Variants in NCOA3 observed in about 807,000 individuals in gnomAD.
The protein encoded by NCOA3 is CBP-interacting protein.
Under a neutral mutation model 158.8 loss-of-function variants are expected in NCOA3, and 51 were observed. That is an observed-to-expected ratio of 0.32 (90% CI 0.26 to 0.41). The LOEUF (loss-of-function observed/expected upper bound fraction) is 0.41. Ranked by LOEUF, NCOA3 falls within the 10% of genes least tolerant of loss-of-function variation. The pLI, the probability that NCOA3 is intolerant of heterozygous loss-of-function variation, is 1.00. For synonymous variants in NCOA3, 537 were observed against 592.4 expected (o/e 0.91, Z 1.36); for missense variants, 1,510 against 1,746.6 (o/e 0.86, Z 2.41).
chr20:47,552,164 A>C (rs1160035097), intron 1 of NCOA3, among the ~76,000 whole-genome samples: 1 of 152,224 alleles, frequency 6.6e-6, no homozygotes, highest in East Asian at 1.9e-4. Flanking sequence ...TTATCATATC[A>C]CATTACTGAA....
intron 2 of NCOA3, among the ~76,000 whole-genome samples, chr20:47,587,592 A>T (rs1402126336): frequency 3.3e-5 from 5 of 152,208 alleles, no homozygotes; most frequent in Non-Finnish European, 5.9e-5. Context: ...AATTTCTTGT[A>T]TGCTTTAAGT....
chr20:47,577,843 G>A (rs1305467991), intron 1 of NCOA3, among the ~76,000 whole-genome samples: 4 of 152,186 alleles, frequency 2.6e-5, no homozygotes, highest in Admixed American at 1.3e-4. Context: ...GGCTGATTCC[G>A]TATAGAACTA....
intron 5 of NCOA3, among the ~76,000 whole-genome samples, chr20:47,625,728 CAT>C (rs1373434453): frequency 1.3e-5 from 2 of 151,988 alleles, no homozygotes; most frequent in Admixed American, 1.3e-4. Flanking sequence ...CATATACAAA[CAT>C]AAAAATATAA....
intron 1 of NCOA3, among the ~76,000 whole-genome samples, chr20:47,570,750 T>C (rs560489492): frequency 6.6e-6 from 1 of 152,118 alleles, no homozygotes; most frequent in Non-Finnish European, 1.5e-5. Context: ...GAAATCATTA[T>C]CTATGGCAGC....
intron 1 of NCOA3, among the ~76,000 whole-genome samples, chr20:47,515,674 G>A (rs1183818952): frequency 6.6e-6 from 1 of 151,650 alleles, no homozygotes; most frequent in African/African-American, 2.4e-5. Context: ...TAGTAGAGAC[G>A]GGATTTCACT....
At chr20:47,529,902 T>C (rs1421299426) in intron 1 of NCOA3, among the ~76,000 whole-genome samples, 1 of 152,236 alleles carries the variant, frequency 6.6e-6, no homozygotes, top group Non-Finnish European at 1.5e-5. Context: ...GTCTATTAAC[T>C]GCTTTGCAGG....
At chr20:47,529,925 T>C (rs573630940) in intron 1 of NCOA3, among the ~76,000 whole-genome samples, 11 of 152,360 alleles carry the variant, frequency 7.2e-5, no homozygotes, top group African/African-American at 2.4e-4. Context: ...GAAAGAAATA[T>C]GAAGAAGAAC....
chr20:47,583,511 C>T (rs551579157), intron 2 of NCOA3, among the ~76,000 whole-genome samples: 1 of 152,254 alleles, frequency 6.6e-6, no homozygotes, highest in Admixed American at 6.5e-5. Context: ...GCAGAACTTT[C>T]GACTCCCCCC....
At chr20:47,581,625 A>T (rs2085454310) in intron 1 of NCOA3, among the ~76,000 whole-genome samples, 1 of 152,204 alleles carries the variant, frequency 6.6e-6, no homozygotes, top group African/African-American at 2.4e-5. Flanking sequence ...TTAGGGCGTA[A>T]TTATGGTTGT....
At chr20:47,521,466 G>A (rs575898573) in intron 1 of NCOA3, among the ~76,000 whole-genome samples, 3 of 152,222 alleles carry the variant, frequency 2.0e-5, no homozygotes, top group Admixed American at 6.5e-5. Context: ...CCTGACGCAC[G>A]TGGCCTCTGC....
chr20:47,588,564 G>A (rs2085574595), intron 2 of NCOA3, among the ~76,000 whole-genome samples: 1 of 152,078 alleles, frequency 6.6e-6, no homozygotes, highest in Non-Finnish European at 1.5e-5. Context: ...TTTGTAATAT[G>A]TAGAATAATA....
intron 2 of NCOA3, among the ~76,000 whole-genome samples, chr20:47,614,837 T>G (rs554985288): frequency 4.3e-4 from 66 of 152,302 alleles, no homozygotes; most frequent in Non-Finnish European, 8.2e-4. Context: ...TAGTATCTGC[T>G]GAGCTTGAGC....
intron 1 of NCOA3, among the ~76,000 whole-genome samples, chr20:47,562,838 CTG>C (rs1175051143): frequency 2.0e-5 from 3 of 152,126 alleles, no homozygotes; most frequent in African/African-American, 4.8e-5. Context: ...CCATATATCT[CTG>C]TATCCTTCTT....
At chr20:47,561,642 T>C (rs2085108477) in intron 1 of NCOA3, among the ~76,000 whole-genome samples, 2 of 151,900 alleles carry the variant, frequency 1.3e-5, no homozygotes, top group Admixed American at 1.3e-4. Flanking sequence ...TAAAGAGCAG[T>C]TTAAGGTTAT....
Position 47,643,136 on chromosome 20 carries a change from A to AGC in NCOA3, c.3252+752_3252+753insGC, listed in dbSNP as rs2086637151. ...GCCATGTTGGCCAGGCTGGTCTCAA[A>AGC]CTTCTGACCTCAAGTGATCCACTCG... On this transcript the variant is annotated intron_variant, in intron 17 of 22. Coordinates refer to ENST00000371998, the MANE Select transcript of NCOA3 (RefSeq NM_181659.3). Among the ~76,000 whole-genome samples the AGC allele has an allele frequency of 2.6e-5, 4 of 152,320 alleles. 1 individual carries two copies. Among genetic ancestry groups the AGC allele is most frequent in the African/African-American group, 9.6e-5 (4 of 41,578 alleles).
At chr20:47,563,013 T>G (rs2085132767) in intron 1 of NCOA3, among the ~76,000 whole-genome samples, 2 of 152,238 alleles carry the variant, frequency 1.3e-5, no homozygotes, top group African/African-American at 4.8e-5. Context: ...CCCAAAGTGC[T>G]AGGATTACAG....
chr20:47,532,203 C>T (rs768812680), intron 1 of NCOA3, among the ~76,000 whole-genome samples: 14 of 151,440 alleles, frequency 9.2e-5, no homozygotes, highest in Admixed American at 3.3e-4. Context: ...TAAACAAGGA[C>T]ACCAGGAAGT....
chr20:47,562,181 C>G (rs1028472362), intron 1 of NCOA3, among the ~76,000 whole-genome samples: 3 of 152,164 alleles, frequency 2.0e-5, no homozygotes, highest in Admixed American at 6.6e-5. Flanking sequence ...TGCTTCCATG[C>G]TTTAGCAATT....
rs774124954 is a variant in NCOA3, at chr20:47,649,021, G to C, written c.3563G>C (p.Arg1188Pro). ...TCACCTCAGTTTTTGAATCAGAGCC[G>C]ACAGGCACTTGAATTGAAAATGGAA... ...LQGQQFLNQS[R>P]QALELKMENP... Residue 1188 changes from arginine (R) to proline (P), a missense_variant, in exon 19 of 23, where the codon CGA (arginine) becomes CCA (proline). Transcript: ENST00000371998. The C allele has an allele frequency of 6.2e-7, 1 of 1,613,138 alleles. No homozygotes were observed. The highest frequency in any genetic ancestry group is 1.3e-5 in the African/African-American group (1 of 74,866).
Sources: allele counts gnomAD v4.1 joint callset (sites outside exome capture counted in the v4.1 genomes callset), GRCh38; gene constraint gnomAD v4.1.1; transcripts MANE v1.5; gene names NCBI Gene and HGNC (gene_info 2026-07-23, HGNC 2026-07-21).